The following PCDHGA3 variants were observed in gnomAD, a reference collection of about 807,000 sequenced individuals.
The protein encoded by PCDHGA3 is protocadherin gamma-A3.
In PCDHGA3, 40 loss-of-function variants were observed where a neutral mutation model predicts 58.5. The ratio of observed to expected loss-of-function variants is 0.68; its 90% CI spans 0.53 to 0.89. The LOEUF is 0.89. Among genes scored for constraint, PCDHGA3 ranks in the 40% least tolerant of loss-of-function variants. PCDHGA3 has a pLI of 0.00. For missense variants in PCDHGA3, 1,223 were observed against 1,195.9 expected, an observed-to-expected ratio of 1.02 and a Z score of -0.33; for synonymous variants, 530 against 525.7, an observed-to-expected ratio of 1.01 and a Z score of -0.11.
rs775284049 is a variant in PCDHGA3 at position 141,431,448 on chromosome 5, T to C, written c.2425-63359T>C. On this transcript the variant is annotated intron_variant, in intron 1 of 3. Coordinates refer to ENST00000253812, the MANE Select transcript of PCDHGA3 (RefSeq NM_018916.4). The surrounding 1 kb of genome is among the most constrained non-coding windows in gnomAD (Gnocchi z 4.8). ...CGCACAGGCACCGCGCGCATCCGCG[T>C]GATGGTTCTGGATGCGAACGACAAC... 2.5e-6 allele frequency: 4 copies of C among 1,613,706 alleles called. No individual in the cohort carries two copies. The South Asian group carries it at 4.4e-5, about 18-fold the overall frequency.
intron 1 of PCDHGA3, chr5:141,418,363 C>T (rs147423305): frequency 4.4e-4 from 703 of 1,613,984 alleles, no homozygotes; most frequent in Non-Finnish European, 5.5e-4. Flanking sequence ...ATTCGCTGAG[C>T]AAATACCAAC....
rs73265845 is a variant in PCDHGA3, at chr5:141,370,729, A to T, written c.2424+24272A>T. On this transcript the variant is annotated intron_variant, in intron 1 of 3. Coordinates refer to ENST00000253812, the MANE Select transcript of PCDHGA3 (RefSeq NM_018916.4). The stretch of plus-strand genomic sequence containing the variant: ...CTGGAATTTGAAATGGTTGCTGAAA[A>T]GCCTTTAAACTTTTTTCATGTAACT... The T allele has an allele frequency of 1.5e-3, 2,398 of 1,613,868 alleles. 32 individuals are homozygous for T. In the African/African-American group the frequency reaches 0.028, roughly 19 times the overall value.
chr5:141,468,598 G>A (rs1250884127), intron 1 of PCDHGA3: 1 of 152,228 alleles, frequency 6.6e-6, no homozygotes, highest in African/African-American at 2.4e-5. Context: ...TGGGCGCGGT[G>A]GCTCACGCCT....
At chr5:141,463,261 T>G (rs552225283) in intron 1 of PCDHGA3, among the ~76,000 whole-genome samples, 29 of 152,134 alleles carry the variant, frequency 1.9e-4, no homozygotes, top group African/African-American at 6.3e-4. Context: ...TAGTACTCTA[T>G]CCCATAAATT....
chr5:141,355,124 A>G (rs1460903356), intron 1 of PCDHGA3: 1 of 1,516,442 alleles, frequency 6.6e-7, no homozygotes, highest in East Asian at 2.3e-5. Context: ...TTTATTTTGG[A>G]CCCAGAAGAT....
At chr5:141,393,525 A>G in intron 1 of PCDHGA3, 1 of 1,613,922 alleles carries the variant, frequency 6.2e-7, no homozygotes, top group Non-Finnish European at 8.5e-7. Context: ...TACAAATGAC[A>G]ATGCCCCGGT....
In PCDHGA3 at chr5:141,433,363, CTATCT is replaced by C. The variant is rs2097590943; in HGVS notation, c.2425-61443_2425-61439del. On this transcript the variant is annotated intron_variant, in intron 1 of 3. Transcript: ENST00000253812. ...TGCAAGCCACCTACTGTCTGCCTAT[CTATCT>C]ATCTATCTATCTATCTATCTATCTA... 4 of 463,386 alleles carry C rather than the reference CTATCT, an allele frequency of 8.6e-6. No homozygotes were observed. The African/African-American group carries it at 1.1e-4, about 13-fold the overall frequency. 28.7% of individuals were successfully genotyped at this position (463,386 alleles called of 1,614,324 possible). A position where few individuals can be genotyped will look rare whatever the true frequency, so the allele number is the denominator to read the frequency against.
chr5:141,445,389 C>T (rs1484183450), intron 1 of PCDHGA3, among the ~76,000 whole-genome samples: 1 of 152,174 alleles, frequency 6.6e-6, no homozygotes, highest in Non-Finnish European at 1.5e-5. Flanking sequence ...CATTCATTTA[C>T]ATAACAAATA....
chr5:141,448,912 T>C (rs1195715286), intron 1 of PCDHGA3, among the ~76,000 whole-genome samples: 1 of 152,152 alleles, frequency 6.6e-6, no homozygotes, highest in Non-Finnish European at 1.5e-5. Flanking sequence ...GCCACTGCAC[T>C]CCAGCCTGGG....
chr5:141,442,796 T>G (rs909745554), intron 1 of PCDHGA3, among the ~76,000 whole-genome samples: 16 of 152,326 alleles, frequency 1.1e-4, no homozygotes, highest in African/African-American at 3.8e-4. Context: ...AATTTTACTT[T>G]GATATTCAAA....
rs1427742903 is a variant in PCDHGA3 at position 141,477,916 on chromosome 5, A to G, written c.2425-16891A>G. On this transcript the variant is annotated intron_variant, in intron 1 of 3. Coordinates refer to ENST00000253812, the MANE Select transcript of PCDHGA3 (RefSeq NM_018916.4). This position sits in a 1 kb window ranked among gnomAD's most constrained non-coding sequence, Gnocchi z 4.9. ...GGGTGGTAGGCTGGGACGCGGATGC[A>G]GGGCACAATGCCTGGCTCTCCTACA... The G allele has an allele frequency of 1.2e-6, 2 of 1,614,042 alleles. No homozygotes were observed. The highest frequency in any genetic ancestry group is 2.7e-5 in the African/African-American group (2 of 74,932).
At position 141,399,887 on chromosome 5, in the gene PCDHGA3, T is replaced by C. The variant is rs1189359878; in HGVS notation, c.2424+53430T>C. ...GAGCCCGGCTACCTGGTGACCAAGG[T>C]AGTGGCCGTGGACGCAGACTCAGGA... On this transcript the variant is annotated intron_variant, in intron 1 of 3. Coordinates refer to ENST00000253812, the MANE Select transcript of PCDHGA3 (RefSeq NM_018916.4). 3 of 1,612,524 alleles carry C rather than the reference T, an allele frequency of 1.9e-6. No homozygotes were observed. The African/African-American group carries it at 4.0e-5, about 22-fold the overall frequency.
intron 1 of PCDHGA3, chr5:141,375,537 C>T: frequency 6.2e-7 from 1 of 1,614,048 alleles, no homozygotes; most frequent in Non-Finnish European, 8.5e-7. Context: ...GACCAGAACG[C>T]CCAAGTCTCC....
chr5:141,421,574 A>C, intron 1 of PCDHGA3: 1 of 1,613,924 alleles, frequency 6.2e-7, no homozygotes. Flanking sequence ...GACACCTTGA[A>C]GATTTACGGA....
intron 1 of PCDHGA3, chr5:141,410,304 T>C (rs1232480024): frequency 6.2e-7 from 1 of 1,614,024 alleles, no homozygotes; most frequent in Non-Finnish European, 8.5e-7. Context: ...TTAATCTCAG[T>C]GCTCTTCCTC....
At chr5:141,374,748 G>A (rs372161900) in intron 1 of PCDHGA3, 115 of 1,611,770 alleles carry the variant, frequency 7.1e-5, no homozygotes, top group Non-Finnish European at 8.7e-5. Flanking sequence ...GACCCTGTCC[G>A]CTCAAGCGTC....
rs112156044 is a variant in PCDHGA3, at chr5:141,476,771, G to C, written c.2425-18036G>C. ...CCAGTTAGTGCTGACGGCGTTGGAC[G>C]GAGGGACCCCAGCTCTCTCCGCCAG... On this transcript the variant is annotated intron_variant, in intron 1 of 3. Coordinates refer to ENST00000253812, the MANE Select transcript of PCDHGA3 (RefSeq NM_018916.4). The surrounding 1 kb of genome is among the most constrained non-coding windows in gnomAD (Gnocchi z 7.6). 1.1e-5 allele frequency: 18 copies of C among 1,613,700 alleles called. 1 individual carries two copies. In the South Asian group the frequency reaches 1.3e-4, roughly 12 times the overall value.
At position 141,477,632 on chromosome 5, in the gene PCDHGA3, G is replaced by A. The variant is rs1262622928; in HGVS notation, c.2425-17175G>A. Reference sequence around the variant, plus strand: ...GGAGCAAGGAGCTGAAACCGGGCTAGTGGGTCGCTATTTCACAATAAATCG... The same window carrying A: ...GGAGCAAGGAGCTGAAACCGGGCTAATGGGTCGCTATTTCACAATAAATCG... On this transcript the variant is annotated intron_variant, in intron 1 of 3. Coordinates refer to ENST00000253812, the MANE Select transcript of PCDHGA3 (RefSeq NM_018916.4). This position sits in a 1 kb window ranked among gnomAD's most constrained non-coding sequence, Gnocchi z 4.9. 6.8e-6 allele frequency: 11 copies of A among 1,614,218 alleles called. No homozygotes were observed. Among genetic ancestry groups the A allele is most frequent in the Non-Finnish European group, 9.3e-6 (11 of 1,180,046 alleles).
chr5:141,352,228 G>A (rs1370404445), intron 1 of PCDHGA3: 1 of 1,614,098 alleles, frequency 6.2e-7, no homozygotes, highest in Admixed American at 1.7e-5. Context: ...CCGCCACGCT[G>A]CACCTAATCT....
Sources: gnomAD v4.1 joint callset for allele counts (sites outside exome capture counted in the v4.1 genomes callset) on GRCh38, gnomAD v4.1.1 for gene constraint, Gnocchi (gnomAD v3.1) non-coding constraint, MANE v1.5 for transcripts, NCBI Gene and HGNC (gene_info 2026-07-23, HGNC 2026-07-21) for gene names.